The following TRIM51G variants were observed in gnomAD, a reference collection of about 807,000 sequenced individuals.
TRIM51G encodes tripartite motif-containing 51G.
chr11:48,981,310 G>C, the TRIM51G span: 2 of 1,606,178 alleles, frequency 1.2e-6, no homozygotes, highest in Non-Finnish European at 1.7e-6. Context: ...AGCCCACTCA[G>C]TGGGACAGTG....
the TRIM51G span, chr11:48,981,519 T>A: frequency 6.2e-7 from 1 of 1,604,732 alleles, no homozygotes. Flanking sequence ...TTCTCTGCCG[T>A]GTTGTCTTCT....
chr11:48,975,871 A>G, the TRIM51G span: 1 of 900,822 alleles, frequency 1.1e-6, no homozygotes, highest in South Asian at 1.3e-5. Context: ...CCCCCATTGA[A>G]GAAAACATTC....
chr11:48,981,617 T>A, the TRIM51G span: 59 of 1,600,260 alleles, frequency 3.7e-5, no homozygotes, highest in Non-Finnish European at 4.9e-5. Flanking sequence ...CAGTCTATGG[T>A]GACTGGGTCT....
At chr11:48,976,014 A>T in the TRIM51G span, 31 of 548,762 alleles carry the variant, frequency 5.6e-5, no homozygotes, top group East Asian at 3.9e-4. Context: ...AAATAATTTT[A>T]AAAAAGTATA....
chr11:48,981,738 G>A, the TRIM51G span: 2 of 1,568,146 alleles, frequency 1.3e-6, no homozygotes, highest in East Asian at 2.2e-5. Flanking sequence ...TGGGTTCTGG[G>A]TTGGTGAAAA....
At chr11:48,980,970 C>T in the TRIM51G span, 7 of 526,138 alleles carry the variant, frequency 1.3e-5, no homozygotes, top group East Asian at 3.9e-4. Context: ...CATTTTTCTC[C>T]ATAAAGACTG....
chr11:48,977,975 G>C, the TRIM51G span, among the ~76,000 whole-genome samples: 113,480 of 146,838 alleles, frequency 0.77, 43,468 homozygotes, highest in Non-Finnish European at 0.79. Context: ...AAATCACTGA[G>C]TATGGCAACA....
the TRIM51G span, among the ~76,000 whole-genome samples, chr11:48,983,864 T>C: frequency 6.6e-6 from 1 of 152,060 alleles, no homozygotes; most frequent in African/African-American, 2.4e-5. Flanking sequence ...TGCAGTTAAC[T>C]CTAAGTGCTG....
the TRIM51G span, chr11:48,980,988 C>T: frequency 1.6e-5 from 9 of 555,476 alleles, no homozygotes; most frequent in African/African-American, 1.3e-4. Flanking sequence ...CTGCATTTTT[C>T]TTAGGAGCTC....
chr11:48,975,600 G>A, the TRIM51G span: 52 of 1,385,456 alleles, frequency 3.8e-5, no homozygotes, highest in Middle Eastern at 5.4e-4. Context: ...CAAAGCTCAC[G>A]GTCCTACCTT....
chr11:48,980,868 A>G, the TRIM51G span: 2 of 469,550 alleles, frequency 4.3e-6, no homozygotes, highest in Admixed American at 2.4e-5. Flanking sequence ...TTTGTTCACC[A>G]TAAGTTCCTG....
chr11:48,981,005 C>G, the TRIM51G span: 1 of 590,356 alleles, frequency 1.7e-6, no homozygotes. Flanking sequence ...GCTCCTCCTG[C>G]AAAAGAGCCA....
the TRIM51G span, chr11:48,977,154 C>G: frequency 7.6e-7 from 1 of 1,319,580 alleles, no homozygotes; most frequent in Non-Finnish European, 1.1e-6. Flanking sequence ...TTCACAGGCT[C>G]AGACACTTGC....
chr11:48,978,599 T>C, the TRIM51G span, among the ~76,000 whole-genome samples: 1 of 152,282 alleles, frequency 6.6e-6, no homozygotes, highest in Admixed American at 6.5e-5. Context: ...CCTAAATATA[T>C]CACTGACTTT....
the TRIM51G span, among the ~76,000 whole-genome samples, chr11:48,982,294 T>C: frequency 7.3e-3 from 1,113 of 152,234 alleles, 91 homozygotes; most frequent in East Asian, 0.17. Context: ...ATGGCTTAAA[T>C]TAACTTCTTC....
chr11:48,983,795 G>A, the TRIM51G span, among the ~76,000 whole-genome samples: 1 of 152,058 alleles, frequency 6.6e-6, no homozygotes, highest in Non-Finnish European at 1.5e-5. Flanking sequence ...ATTCTTTTAA[G>A]TATTCCCCAA....
the TRIM51G span, among the ~76,000 whole-genome samples, chr11:48,982,595 C>T: frequency 6.6e-6 from 1 of 151,868 alleles, no homozygotes; most frequent in African/African-American, 2.4e-5. Context: ...AAGGCAGTTT[C>T]CTCTTTTTCT....
the TRIM51G span, among the ~76,000 whole-genome samples, chr11:48,976,361 T>C: frequency 1.3e-5 from 2 of 152,142 alleles, no homozygotes; most frequent in Non-Finnish European, 2.9e-5. Context: ...ATACTAGTGA[T>C]ATAATTTTGG....
the TRIM51G span, chr11:48,978,831 T>A: frequency 1.1e-6 from 1 of 914,604 alleles, no homozygotes; most frequent in Admixed American, 1.7e-5. Flanking sequence ...ACCCATCCAC[T>A]TGAATCTTCA....
Sources: gnomAD v4.1 joint callset for allele counts (sites outside exome capture counted in the v4.1 genomes callset) on GRCh38, gnomAD v4.1.1 for gene constraint, MANE v1.5 for transcripts, NCBI Gene and HGNC (gene_info 2026-07-23, HGNC 2026-07-21) for gene names.